The following EYA4 variants were observed in gnomAD, a reference collection of about 807,000 sequenced individuals.
EYA4 encodes protein phosphatase EYA4.
A neutral mutation model predicts 87.9 loss-of-function variants in EYA4; 31 were observed. The ratio of observed to expected loss-of-function variants is 0.35; its 90% CI spans 0.27 to 0.48. The LOEUF is 0.48. Among genes scored for constraint, EYA4 ranks in the 20% least tolerant of loss-of-function variants. The pLI is 0.99. For missense variants in EYA4, 678 were observed against 761.4 expected (o/e 0.89, Z 1.29); for synonymous variants, 263 against 270.6 (o/e 0.97, Z 0.28).
At chr6:133,377,369 A>G (rs369357423) in intron 2 of EYA4, among the ~76,000 whole-genome samples, 94 of 152,076 alleles carry the variant, frequency 6.2e-4, no homozygotes, top group African/African-American at 2.1e-3. Context: ...TCTCCGTTCA[A>G]TTCAGCCACA....
At position 133,342,084 on chromosome 6, in the gene EYA4, C is replaced by T. The variant is rs146844515; in HGVS notation, c.34-40308C>T. ...AAGCACTAACTTGGAATCATCAGGGCTTAAGGGTAACTTATGGACCCTAAG... is the reference window on the plus strand; with the variant it reads ...AAGCACTAACTTGGAATCATCAGGGTTTAAGGGTAACTTATGGACCCTAAG... On this transcript the variant is annotated intron_variant, in intron 2 of 19. Coordinates refer to ENST00000355286, the MANE Select transcript of EYA4 (RefSeq NM_004100.5). 4.2e-3 allele frequency among the ~76,000 whole-genome samples: 645 copies of T among 152,018 alleles called. 2 individuals carry two copies. Among genetic ancestry groups the T allele is most frequent in the African/African-American group, 0.015 (621 of 41,460 alleles).
chr6:133,517,146 T>C (rs1799666173), intron 17 of EYA4, among the ~76,000 whole-genome samples: 1 of 152,150 alleles, frequency 6.6e-6, no homozygotes, highest in African/African-American at 2.4e-5. Context: ...TGCCGCATGT[T>C]CTCACTTACA....
chr6:133,435,936 C>G (rs1583272999), intron 3 of EYA4, among the ~76,000 whole-genome samples: 1 of 152,058 alleles, frequency 6.6e-6, no homozygotes, highest in Non-Finnish European at 1.5e-5. Context: ...ATTGAAACTT[C>G]CAGGCTGGGC....
At chr6:133,326,944 C>G (rs966628969) in intron 2 of EYA4, among the ~76,000 whole-genome samples, 1 of 152,078 alleles carries the variant, frequency 6.6e-6, no homozygotes, top group African/African-American at 2.4e-5. Context: ...CCCTCCTGCC[C>G]CTGTGCCTTG....
intron 2 of EYA4, among the ~76,000 whole-genome samples, chr6:133,281,320 T>A (rs1431355467): frequency 6.6e-6 from 1 of 152,186 alleles, no homozygotes; most frequent in Non-Finnish European, 1.5e-5. Context: ...CCAGTTTATC[T>A]ATTTTTTTCT....
chr6:133,351,433 A>T (rs1325747532), intron 2 of EYA4, among the ~76,000 whole-genome samples: 1 of 152,120 alleles, frequency 6.6e-6, no homozygotes, highest in African/African-American at 2.4e-5. Flanking sequence ...CCCCATGCAG[A>T]TTTCTGGAGC....
chr6:133,523,274 A>G, intron 18 of EYA4, 97 bp downstream of exon 18: 7 of 1,284,626 alleles, frequency 5.4e-6, no homozygotes, highest in Non-Finnish European at 7.8e-6. Flanking sequence ...TACATGAAAC[A>G]AATTTGGATA....
chr6:133,518,081 G>T (rs1366889328), intron 17 of EYA4, among the ~76,000 whole-genome samples: 2 of 152,228 alleles, frequency 1.3e-5, no homozygotes, highest in African/African-American at 4.8e-5. Flanking sequence ...TGTCAGGGAC[G>T]CTGGAGCACG....
At chr6:133,295,700 A>G (rs1011852984) in intron 2 of EYA4, among the ~76,000 whole-genome samples, 2 of 152,324 alleles carry the variant, frequency 1.3e-5, no homozygotes, top group Non-Finnish European at 2.9e-5. Flanking sequence ...AAACTCATAT[A>G]GAAATTAGCA....
intron 2 of EYA4, among the ~76,000 whole-genome samples, chr6:133,332,583 T>A (rs68021023): frequency 1.3e-5 from 2 of 151,958 alleles, no homozygotes; most frequent in African/African-American, 4.8e-5. Flanking sequence ...TCGCCAGTGT[T>A]GCCAGGCTGG....
At chr6:133,515,226 T>C (rs886715792) in intron 16 of EYA4, 95 bp from the exon 17 acceptor site, 9 of 766,958 alleles carry the variant, frequency 1.2e-5, no homozygotes, top group African/African-American at 5.1e-5. Flanking sequence ...TATACTGAAA[T>C]AAAAATGATC....
intron 2 of EYA4, among the ~76,000 whole-genome samples, chr6:133,356,769 GTGTGTGTGTGTGTGTGTGTGTGTATATA>G (rs1784070907): frequency 6.9e-6 from 1 of 144,420 alleles, no homozygotes; most frequent in Non-Finnish European, 1.5e-5. Context: ...GTGTGTGTGT[GTGTGTGTGTGTGTGTGTGTGTGTATATA>G]TATATTTTAT....
intron 3 of EYA4, among the ~76,000 whole-genome samples, chr6:133,433,964 G>A (rs531146843): frequency 1.3e-5 from 2 of 152,306 alleles, no homozygotes; most frequent in South Asian, 4.1e-4. Context: ...CAGTGTCTGA[G>A]GACAAAGCTA....
intron 3 of EYA4, among the ~76,000 whole-genome samples, chr6:133,388,264 G>T (rs969864969): frequency 6.6e-6 from 1 of 151,744 alleles, no homozygotes; most frequent in Non-Finnish European, 1.5e-5. Flanking sequence ...AAAATTAGTA[G>T]GGCATAGTGG....
intron 2 of EYA4, among the ~76,000 whole-genome samples, chr6:133,314,072 A>G (rs1235415883): frequency 6.6e-6 from 1 of 152,206 alleles, no homozygotes; most frequent in Non-Finnish European, 1.5e-5. Flanking sequence ...GTTTTATGTT[A>G]GTATCTGAGT....
At chr6:133,432,660 A>G (rs1211942385) in intron 3 of EYA4, among the ~76,000 whole-genome samples, 1 of 150,726 alleles carries the variant, frequency 6.6e-6, no homozygotes, top group Admixed American at 6.6e-5. Flanking sequence ...AGACAAATAT[A>G]CTCTGATTTG....
At chr6:133,528,468 T>TA (rs1800809514) in intron 19 of EYA4, among the ~76,000 whole-genome samples, 1 of 152,180 alleles carries the variant, frequency 6.6e-6, no homozygotes, top group Non-Finnish European at 1.5e-5. Flanking sequence ...TTAAACTATC[T>TA]AAGAAATGTT....
chr6:133,475,702 CA>C (rs1460486662), intron 11 of EYA4, among the ~76,000 whole-genome samples: 5 of 152,108 alleles, frequency 3.3e-5, no homozygotes, highest in African/African-American at 1.2e-4. Context: ...TGCCCTTGTG[CA>C]ATTACCTGAG....
At chr6:133,436,940 C>G (rs1791744752) in intron 3 of EYA4, among the ~76,000 whole-genome samples, 1 of 152,086 alleles carries the variant, frequency 6.6e-6, no homozygotes, top group Non-Finnish European at 1.5e-5. Flanking sequence ...AAGGCTTCCC[C>G]TTTCTTGGGT....
Sources: gnomAD v4.1 joint callset for allele counts (sites outside exome capture counted in the v4.1 genomes callset) on GRCh38, gnomAD v4.1.1 for gene constraint, MANE v1.5 for transcripts, NCBI Gene and HGNC (gene_info 2026-07-23, HGNC 2026-07-21) for gene names.